The following SWT1 variants were observed in gnomAD, a reference collection of about 807,000 sequenced individuals.
The protein encoded by SWT1 is SWT1 RNA endoribonuclease homolog.
Under a neutral mutation model 107.3 loss-of-function variants are expected in SWT1, and 33 were observed. That is an observed-to-expected ratio of 0.31 (90% confidence interval 0.23 to 0.41). The LOEUF is 0.41. Among genes scored for constraint, SWT1 ranks in the 10% least tolerant of loss-of-function variants. SWT1 has a pLI of 1.00. For synonymous variants in SWT1, 345 were observed against 348.3 expected (o/e 0.99, Z 0.11); for missense variants, 898 against 1,028.9 (o/e 0.87, Z 1.74).
intron 16 of SWT1, among the ~76,000 whole-genome samples, chr1:185,238,184 C>T (rs962009278): frequency 6.6e-6 from 1 of 151,886 alleles, no homozygotes; most frequent in Admixed American, 6.6e-5. Flanking sequence ...ATGGGGTTTG[C>T]CATATTGCTC....
At chr1:185,250,446 G>A (rs1661926859) in intron 16 of SWT1, among the ~76,000 whole-genome samples, 1 of 152,102 alleles carries the variant, frequency 6.6e-6, no homozygotes, top group African/African-American at 2.4e-5. Flanking sequence ...ATATTGAATA[G>A]TTCTTACACT....
chr1:185,166,082 CTTGT>C (rs1018079978), intron 2 of SWT1, among the ~76,000 whole-genome samples: 1 of 152,094 alleles, frequency 6.6e-6, no homozygotes, highest in Non-Finnish European at 1.5e-5. Context: ...AAATATATTA[CTTGT>C]TTATTTGTAA....
chr1:185,230,950 T>C (rs538086459), intron 15 of SWT1, among the ~76,000 whole-genome samples: 8 of 152,260 alleles, frequency 5.3e-5, no homozygotes, highest in South Asian at 2.1e-4. Context: ...GGTTGAACGA[T>C]GTTGCCTAGG....
chr1:185,280,957 A>G, intron 18 of SWT1: 3 of 478,904 alleles, frequency 6.3e-6, no homozygotes, highest in East Asian at 5.8e-5. Flanking sequence ...TTGGTGTGCT[A>G]TTGGGGTCAT....
At chr1:185,271,914 C>T (rs779013882) in intron 17 of SWT1, among the ~76,000 whole-genome samples, 6 of 152,158 alleles carry the variant, frequency 3.9e-5, no homozygotes, top group Non-Finnish European at 5.9e-5. Flanking sequence ...TAAAATAACA[C>T]GCTTTCCTCA....
intron 6 of SWT1, among the ~76,000 whole-genome samples, chr1:185,181,003 C>T (rs934957446): frequency 5.9e-5 from 9 of 152,178 alleles, no homozygotes; most frequent in African/African-American, 2.2e-4. Context: ...CACCGTGGCT[C>T]AAGCCTGTAA....
intron 6 of SWT1, among the ~76,000 whole-genome samples, chr1:185,180,759 A>G (rs1655956340): frequency 6.6e-6 from 1 of 152,234 alleles, no homozygotes; most frequent in Non-Finnish European, 1.5e-5. Flanking sequence ...AGGGTTGCCA[A>G]AATGCAGTAG....
intron 3 of SWT1, among the ~76,000 whole-genome samples, chr1:185,167,756 C>T (rs762242701): frequency 3.3e-5 from 5 of 152,072 alleles, no homozygotes; most frequent in Non-Finnish European, 4.4e-5. Context: ...TGAATTTATA[C>T]CAGTTATCCT....
At chr1:185,271,143 G>A (rs377231459) in intron 16 of SWT1, among the ~76,000 whole-genome samples, 180 bp from the exon 17 acceptor site, 15 of 152,250 alleles carry the variant, frequency 9.9e-5, no homozygotes, top group African/African-American at 2.4e-4. Context: ...GTTGACCTCC[G>A]TTGAATTAAG....
chr1:185,287,682 C>T (rs935917508), intron 18 of SWT1, among the ~76,000 whole-genome samples: 3 of 152,138 alleles, frequency 2.0e-5, no homozygotes, highest in African/African-American at 7.2e-5. Context: ...GCCCCTGCAG[C>T]CAATATTCTG....
intron 15 of SWT1, among the ~76,000 whole-genome samples, chr1:185,229,620 T>G (rs1057436581): frequency 6.6e-6 from 1 of 151,900 alleles, no homozygotes; most frequent in Non-Finnish European, 1.5e-5. Context: ...CCTGCCTCCC[T>G]AGCCACTCTC....
At position 185,231,584 on chromosome 1, in the gene SWT1, G is replaced by A; in HGVS notation, c.2317G>A (p.Val773Ile). Residue 773 changes from valine to isoleucine, a missense_variant, in exon 16 of 19, where the codon GTA becomes ATA. Val to Ile is a conservative substitution (Grantham distance 29). Around this residue, in one of 6 missense-constraint regions of SWT1, gnomAD observed 382 missense variants for 460.0 expected, o/e 0.83. Coordinates refer to ENST00000367500, the MANE Select transcript of SWT1 (RefSeq NM_017673.7). The part of the protein sequence containing the change: ...WITIYQNSTD[V>I]FQRLGSNSAL... ...TTTTTTTCTCTATTTTAGCACGGAT[G>A]TATTTCAAAGATTGGGCTCAAATTC... 6.2e-7 allele frequency: 1 copy of A among 1,606,464 alleles called. No individual in the cohort carries two copies.
intron 11 of SWT1, 77 bp from the exon 12 acceptor site, chr1:185,204,623 T>G: frequency 1.5e-6 from 1 of 668,488 alleles, no homozygotes; most frequent in Non-Finnish European, 2.4e-6. Context: ...GTTTACTGTT[T>G]ATGGCAATAT....
chr1:185,260,349 C>T (rs77981559), intron 16 of SWT1, among the ~76,000 whole-genome samples: 1,839 of 152,124 alleles, frequency 0.012, 65 homozygotes, highest in East Asian at 0.087. Context: ...AATGGCTGTG[C>T]AGTGTAGATA....
At chr1:185,285,548 A>T (rs1164673623) in intron 18 of SWT1, among the ~76,000 whole-genome samples, 3 of 152,092 alleles carry the variant, frequency 2.0e-5, no homozygotes, top group Non-Finnish European at 4.4e-5. Flanking sequence ...AATTTTGATT[A>T]TTTATGTATT....
At chr1:185,286,212 C>T (rs577064897) in intron 18 of SWT1, among the ~76,000 whole-genome samples, 11 of 152,056 alleles carry the variant, frequency 7.2e-5, no homozygotes, top group Admixed American at 7.2e-4. Context: ...TCTTTAATTT[C>T]CTTCAGCAGT....
chr1:185,256,016 A>G (rs1558080062), intron 16 of SWT1, among the ~76,000 whole-genome samples: 1 of 151,660 alleles, frequency 6.6e-6, no homozygotes, highest in Non-Finnish European at 1.5e-5. Context: ...TCTGTAAAGT[A>G]TTTTATTTCT....
chr1:185,233,926 A>G (rs1324233870), intron 16 of SWT1, among the ~76,000 whole-genome samples: 1 of 151,988 alleles, frequency 6.6e-6, no homozygotes, highest in African/African-American at 2.4e-5. Flanking sequence ...TTGTATTTTT[A>G]GTAGAGACCG....
At position 185,214,622 on chromosome 1, in the gene SWT1, T is replaced by C. The variant is rs771005799; in HGVS notation, c.2088T>C (p.Ala696=). The change falls in exon 14 of 19, where the codon GCT becomes GCC. Residue 696 remains alanine, a synonymous_variant. Transcript: ENST00000367500. The part of the protein sequence containing the change: ...NYDGILPQTF[A]QVNNLLQTFA... ...ATGGTATTCTTCCACAGACCTTTGC[T>C]CAAGTAAACAACCTCCTTCAGACAT... The C allele has an allele frequency of 1.2e-6, 2 of 1,611,224 alleles. No individual in the cohort carries two copies. Among genetic ancestry groups the C allele is most frequent in the Non-Finnish European group, 1.7e-6 (2 of 1,178,788 alleles).
Sources: allele counts gnomAD v4.1 joint callset (sites outside exome capture counted in the v4.1 genomes callset), GRCh38; gene constraint gnomAD v4.1.1; regional missense constraint gnomAD v4.1.1; transcripts MANE v1.5; gene names NCBI Gene and HGNC (gene_info 2026-07-23, HGNC 2026-07-21).